The following ADAM22 variants were observed in gnomAD, a reference collection of about 807,000 sequenced individuals.
ADAM22 encodes the protein ADAM metallopeptidase domain 22.
In ADAM22, 65 loss-of-function variants were observed where a neutral mutation model predicts 144.6. The observed-to-expected ratio is 0.45, with a 90% CI of 0.37 to 0.55. The LOEUF is 0.55. Ranked by LOEUF, ADAM22 falls within the 20% of genes least tolerant of loss-of-function variation. The probability of loss-of-function intolerance (pLI) is 0.00; values close to 1 mark genes in which losing one functional copy is unlikely to be tolerated. For missense variants in ADAM22, 974 were observed against 1,184.9 expected (o/e 0.82, Z 2.61); for synonymous variants, 391 against 412.6 (o/e 0.95, Z 0.63).
chr7:88,075,454 G>A (rs969026074), intron 3 of ADAM22, among the ~76,000 whole-genome samples, 172 bp from the exon 4 acceptor site: 5 of 142,446 alleles, frequency 3.5e-5, no homozygotes, highest in African/African-American at 1.3e-4. Context: ...AATACTGGGT[G>A]TGTGTGTGTC....
intron 2 of ADAM22, among the ~76,000 whole-genome samples, chr7:87,945,841 A>G (rs1843577261): frequency 6.6e-6 from 1 of 152,120 alleles, no homozygotes; most frequent in Non-Finnish European, 1.5e-5. Context: ...GAAGAACTTT[A>G]TTGACTTTGG....
chr7:88,013,858 C>T (rs1443286256), intron 3 of ADAM22, among the ~76,000 whole-genome samples: 3 of 152,232 alleles, frequency 2.0e-5, no homozygotes, highest in Admixed American at 6.5e-5. Context: ...ATGATGAGAG[C>T]GATTTGTCTC....
At chr7:88,170,747 C>T (rs942072702) in intron 25 of ADAM22, among the ~76,000 whole-genome samples, 1 of 151,932 alleles carries the variant, frequency 6.6e-6, no homozygotes, top group African/African-American at 2.4e-5. Context: ...CAAAACTACT[C>T]ACTTGCATGA....
At chr7:88,069,614 C>A (rs912431864) in intron 3 of ADAM22, among the ~76,000 whole-genome samples, 2 of 152,158 alleles carry the variant, frequency 1.3e-5, no homozygotes, top group Non-Finnish European at 2.9e-5. Flanking sequence ...GCATTGAATT[C>A]CTCCAGAGAC....
At chr7:88,113,704 A>ATATG (rs1826832493) in intron 5 of ADAM22, among the ~76,000 whole-genome samples, 2 of 28,078 alleles carry the variant, frequency 7.1e-5, no homozygotes, top group African/African-American at 1.4e-4. Flanking sequence ...AAATAAATAA[A>ATATG]TATATATATA....
At chr7:88,194,242 T>C (rs1268823376) in intron 31 of ADAM22, among the ~76,000 whole-genome samples, 1 of 152,202 alleles carries the variant, frequency 6.6e-6, no homozygotes, top group East Asian at 1.9e-4. Flanking sequence ...GTTAGGGACA[T>C]TCCCTCAGCT....
chr7:88,145,245 T>C (rs890873515), intron 16 of ADAM22, 49 bp downstream of exon 16: 1 of 1,596,198 alleles, frequency 6.3e-7, no homozygotes, highest in African/African-American at 1.3e-5. Context: ...TTCAGGGTCA[T>C]TCCAGGTCCA....
chr7:87,942,146 G>A (rs1842602218), intron 2 of ADAM22, among the ~76,000 whole-genome samples: 2 of 152,076 alleles, frequency 1.3e-5, no homozygotes, highest in South Asian at 4.1e-4. Context: ...TGGAGCAGAA[G>A]AAAAGGTAGA....
intron 3 of ADAM22, among the ~76,000 whole-genome samples, chr7:88,007,775 A>T (rs2129458672): frequency 6.6e-6 from 1 of 152,350 alleles, no homozygotes; most frequent in South Asian, 2.1e-4. Context: ...CTTAAACGTT[A>T]GACCTAAAAC....
intron 30 of ADAM22, among the ~76,000 whole-genome samples, chr7:88,187,908 G>C (rs1371633157): frequency 6.6e-6 from 1 of 151,794 alleles, no homozygotes; most frequent in Admixed American, 6.6e-5. Context: ...AATATATCCT[G>C]CTTTTATACC....
At chr7:88,137,648 T>C (rs972481108) in intron 14 of ADAM22, among the ~76,000 whole-genome samples, 12 of 152,208 alleles carry the variant, frequency 7.9e-5, no homozygotes, top group African/African-American at 2.9e-4. Context: ...AATTTAATCA[T>C]GTGTACTTAT....
At chr7:88,164,170 G>T (rs1211135110) in intron 23 of ADAM22, among the ~76,000 whole-genome samples, 1 of 152,054 alleles carries the variant, frequency 6.6e-6, no homozygotes, top group Non-Finnish European at 1.5e-5. Flanking sequence ...TAATCTAAGA[G>T]GATGTTAGGG....
intron 3 of ADAM22, among the ~76,000 whole-genome samples, chr7:88,073,417 C>A (rs1475118943): frequency 6.6e-6 from 1 of 152,014 alleles, no homozygotes; most frequent in East Asian, 1.9e-4. Context: ...TTGTAAACAC[C>A]CCTCATCTCA....
intron 2 of ADAM22, among the ~76,000 whole-genome samples, chr7:87,967,946 C>T (rs574010144): frequency 6.6e-5 from 10 of 151,138 alleles, no homozygotes; most frequent in Non-Finnish European, 1.3e-4. Flanking sequence ...TTTTGTCTTT[C>T]TCTTACTCAT....
intron 3 of ADAM22, among the ~76,000 whole-genome samples, chr7:88,070,598 T>C (rs1812488789): frequency 6.6e-6 from 1 of 152,184 alleles, no homozygotes; most frequent in Non-Finnish European, 1.5e-5. Context: ...ATGATTTTGT[T>C]TTTTTCTATT....
rs1191223301 is a variant in ADAM22, at chr7:88,034,695, C to A, written c.324-40931C>A. 2.0e-5 allele frequency among the ~76,000 whole-genome samples: 3 copies of A among 152,142 alleles called. No homozygotes were observed. In the East Asian group the frequency reaches 5.8e-4, roughly 29 times the overall value. ...TTTAGCCTCAGGTAGTGAGGCTTGC[C>A]AAACTCAAGTTCTGACCACTAGGAT... On this transcript the variant is annotated intron_variant, in intron 3 of 31. Coordinates refer to ENST00000413139, the MANE Select transcript of ADAM22 (RefSeq NM_001324418.2).
rs142887332 is a variant in ADAM22 at position 88,118,199 on chromosome 7, TTAGA to T, written c.607+1388_607+1391del. On this transcript the variant is annotated intron_variant, in intron 7 of 31. Transcript: ENST00000413139. Reference sequence around the variant, plus strand: ...AAACGGAGTAATCCTAAACTAATGCTTAGATAATCACTTAGAAGTTTACATTGTC... The same window carrying T: ...AAACGGAGTAATCCTAAACTAATGCTTAATCACTTAGAAGTTTACATTGTC... Among the ~76,000 whole-genome samples the T allele has an allele frequency of 3.0e-3, 463 of 152,252 alleles. 3 individuals are homozygous for T. Among genetic ancestry groups the T allele is most frequent in the African/African-American group, 0.011 (439 of 41,540 alleles).
chr7:88,093,578 A>G (rs1410296380), intron 4 of ADAM22, among the ~76,000 whole-genome samples: 1 of 151,668 alleles, frequency 6.6e-6, no homozygotes, highest in East Asian at 1.9e-4. Flanking sequence ...ACAGGGTCTC[A>G]CTCTATCTCC....
At chr7:88,108,336 A>T (rs1192851286) in intron 5 of ADAM22, 78 bp downstream of exon 5, 24 of 1,103,452 alleles carry the variant, frequency 2.2e-5, no homozygotes, top group Non-Finnish European at 3.0e-5. Flanking sequence ...ACTATAGTAG[A>T]TATCCCTATT....
Sources: gnomAD v4.1 joint callset for allele counts (sites outside exome capture counted in the v4.1 genomes callset) on GRCh38, gnomAD v4.1.1 for gene constraint, MANE v1.5 for transcripts, NCBI Gene and HGNC (gene_info 2026-07-23, HGNC 2026-07-21) for gene names.